DLC1: variants seen among roughly 807,000 people sequenced by gnomAD.
The protein encoded by DLC1 is rho GTPase-activating protein 7.
DLC1 carries 54 observed loss-of-function variants against 140.3 expected under a neutral mutation model. The observed-to-expected ratio is 0.38, with a 90% CI of 0.31 to 0.48. The LOEUF is 0.48. Ranked by LOEUF, DLC1 falls within the 20% of genes least tolerant of loss-of-function variation. DLC1 has a pLI of 0.96. For synonymous variants in DLC1, 986 were observed against 728.1 expected (o/e 1.35, Z -5.70); for missense variants, 2,536 against 1,907.0 (o/e 1.33, Z -6.14).
intron 5 of DLC1, among the ~76,000 whole-genome samples, chr8:13,283,105 C>G (rs565778717): frequency 6.6e-5 from 10 of 152,274 alleles, no homozygotes; most frequent in African/African-American, 2.4e-4. Flanking sequence ...ATTTAAAAGT[C>G]AGACCAAACA....
At chr8:13,089,457 T>C (rs1585569795) in intron 15 of DLC1, among the ~76,000 whole-genome samples, 1 of 151,606 alleles carries the variant, frequency 6.6e-6, no homozygotes, top group Non-Finnish European at 1.5e-5. Context: ...AAACCCCGTC[T>C]CTACTAAAAA....
intron 1 of DLC1, among the ~76,000 whole-genome samples, chr8:13,595,105 C>A (rs1805642183): frequency 6.6e-6 from 1 of 151,900 alleles, no homozygotes; most frequent in African/African-American, 2.4e-5. Flanking sequence ...GACCAATGAT[C>A]ACTTGTGAAA....
At chr8:13,164,051 C>A (rs535814329) in intron 5 of DLC1, among the ~76,000 whole-genome samples, 1 of 152,024 alleles carries the variant, frequency 6.6e-6, no homozygotes, top group Non-Finnish European at 1.5e-5. Flanking sequence ...AATCCCAGCG[C>A]TTTGGGAGGC....
rs187818863 is a variant in DLC1 at position 13,523,034 on chromosome 8, G to A, written c.-125-22838C>T. Reference sequence around the variant, plus strand: ...TCAAGTTGTTAAGGAAAGAAGGTTAGGTAGTGTCTTGTAAGTAAGCAGTTT... The same window carrying A: ...TCAAGTTGTTAAGGAAAGAAGGTTAAGTAGTGTCTTGTAAGTAAGCAGTTT... On this transcript the variant is annotated intron_variant, in intron 1 of 1. Coordinates refer to the DLC1 transcript ENST00000631382. Among the ~76,000 whole-genome samples the A allele has an allele frequency of 4.6e-5, 7 of 152,338 alleles. No homozygotes were observed. The East Asian group carries it at 1.3e-3, about 29-fold the overall frequency.
chr8:13,590,180 G>A (rs1235311194), intron 1 of DLC1, among the ~76,000 whole-genome samples: 1 of 151,510 alleles, frequency 6.6e-6, no homozygotes, highest in Non-Finnish European at 1.5e-5. Flanking sequence ...TATATTTACA[G>A]TATTAAGGAC....
intron 5 of DLC1, among the ~76,000 whole-genome samples, chr8:13,124,184 T>C (rs1274170557): frequency 1.3e-5 from 2 of 152,222 alleles, no homozygotes; most frequent in African/African-American, 2.4e-5. Flanking sequence ...GGAAGAGGAA[T>C]GTGATATGAC....
intron 8 of DLC1, 93 bp from the exon 9 acceptor site, chr8:13,100,863 G>T: frequency 2.4e-5 from 28 of 1,183,194 alleles, no homozygotes; most frequent in Non-Finnish European, 3.1e-5. Flanking sequence ...TATGCCAGTA[G>T]TATCAATTTC....
At chr8:13,283,192 T>C (rs1022145392) in intron 5 of DLC1, among the ~76,000 whole-genome samples, 27 of 152,262 alleles carry the variant, frequency 1.8e-4, no homozygotes, top group African/African-American at 5.5e-4. Flanking sequence ...AAATGTTATA[T>C]ATGATGGTAG....
intron 1 of DLC1, among the ~76,000 whole-genome samples, chr8:13,573,379 T>TG (rs1563450127): frequency 6.6e-6 from 1 of 152,192 alleles, no homozygotes; most frequent in Non-Finnish European, 1.5e-5. Context: ...TCTTTAGGGT[T>TG]TTCTAGGTAT....
chr8:13,216,896 GT>G, intron 5 of DLC1, among the ~76,000 whole-genome samples: 1 of 152,122 alleles, frequency 6.6e-6, no homozygotes, highest in Non-Finnish European at 1.5e-5. Context: ...GGCTTAACCT[GT>G]AATTGTTCTC....
rs764783314 is a variant in DLC1, at chr8:13,224,675, C to G, written c.1348+80594G>C. On this transcript the variant is annotated intron_variant, in intron 5 of 17. Coordinates refer to ENST00000276297, the MANE Select transcript of DLC1 (RefSeq NM_182643.3). ...ACTGGCCACTTCCTTCCTTGAGGAG[C>G]TACTTCCTTCTAAACAATACTTCCC... Among the ~76,000 whole-genome samples, 25 of 152,140 alleles carry G rather than the reference C, an allele frequency of 1.6e-4. 1 individual carries two copies. Among genetic ancestry groups the G allele is most frequent in the Non-Finnish European group, 3.1e-4 (21 of 68,016 alleles).
chr8:13,225,881 C>T (rs1039236060), intron 5 of DLC1, among the ~76,000 whole-genome samples: 2 of 152,118 alleles, frequency 1.3e-5, no homozygotes, highest in Admixed American at 1.3e-4. Flanking sequence ...TCCGACTGTG[C>T]TGGGATTACA....
Position 13,115,131 on chromosome 8 carries a change from A to G in DLC1, c.1420+455T>C, listed in dbSNP as rs1390323655. On this transcript the variant is annotated intron_variant, in intron 6 of 17. Transcript: ENST00000276297. ...ACAGTGGTTTCTTGTGTAATACACA[A>G]TGGTGTATTACACAGCAGCCAAAGC... 3.3e-5 allele frequency among the ~76,000 whole-genome samples: 5 copies of G among 152,214 alleles called. 1 individual carries two copies. Among genetic ancestry groups the G allele is most frequent in the African/African-American group, 1.2e-4 (5 of 41,458 alleles).
chr8:13,186,381 A>G (rs1250635135), intron 5 of DLC1, among the ~76,000 whole-genome samples: 1 of 151,650 alleles, frequency 6.6e-6, no homozygotes, highest in Non-Finnish European at 1.5e-5. Flanking sequence ...TTCTCTTCTC[A>G]CTTTATTTCA....
intron 2 of DLC1, among the ~76,000 whole-genome samples, chr8:13,437,994 T>A (rs113632588): frequency 4.0e-5 from 6 of 151,458 alleles, no homozygotes; most frequent in African/African-American, 1.5e-4. Context: ...TGAAATCTTA[T>A]ATAATTCATG....
intron 5 of DLC1, among the ~76,000 whole-genome samples, chr8:13,256,513 C>T (rs902674191): frequency 2.0e-5 from 3 of 152,166 alleles, no homozygotes; most frequent in Non-Finnish European, 4.4e-5. Context: ...AAATGTGGCA[C>T]ATATACACCA....
intron 5 of DLC1, among the ~76,000 whole-genome samples, chr8:13,155,961 A>G (rs1410393124): frequency 3.3e-5 from 5 of 152,058 alleles, no homozygotes; most frequent in Non-Finnish European, 7.4e-5. Context: ...CTGAGTCTTG[A>G]TTTTTTAGAC....
At chr8:13,515,436 T>C (rs1182398423), upstream of DLC1, 3 of 152,240 alleles carry the variant, frequency 2.0e-5, no homozygotes, top group Admixed American at 6.5e-5. Context: ...GTTCGTGTTA[T>C]GGCAAATGCA....
At chr8:13,173,944 A>G (rs1004996292) in intron 5 of DLC1, among the ~76,000 whole-genome samples, 4 of 152,108 alleles carry the variant, frequency 2.6e-5, no homozygotes, top group African/African-American at 9.7e-5. Flanking sequence ...GGTTTGGGGT[A>G]TGAACGATCT....
Sources: allele counts gnomAD v4.1 joint callset (sites outside exome capture counted in the v4.1 genomes callset), GRCh38; gene constraint gnomAD v4.1.1; transcripts MANE v1.5; gene names NCBI Gene and HGNC (gene_info 2026-07-23, HGNC 2026-07-21).